The following LCLAT1 variants were observed in gnomAD, a reference collection of about 807,000 sequenced individuals.
The protein encoded by LCLAT1 is lysocardiolipin acyltransferase 1, also known as 1-AGP acyltransferase 8.
Under a neutral mutation model 30.7 loss-of-function variants are expected in LCLAT1, and 11 were observed. The ratio of observed to expected loss-of-function variants is 0.36; its 90% CI spans 0.23 to 0.59. The LOEUF is 0.59. LCLAT1 is among the 20% of genes least tolerant of loss of function. LCLAT1 has a pLI of 0.77. For synonymous variants in LCLAT1, 155 were observed against 151.3 expected (o/e 1.02, Z -0.18); for missense variants, 402 against 458.6 (o/e 0.88, Z 1.13).
chr2:30,488,994 A>C (rs565831226), intron 1 of LCLAT1, among the ~76,000 whole-genome samples: 1 of 152,256 alleles, frequency 6.6e-6, no homozygotes, highest in Admixed American at 6.5e-5. Flanking sequence ...ATCTGTAATC[A>C]CTTTTTGGCC....
intron 1 of LCLAT1, among the ~76,000 whole-genome samples, chr2:30,482,115 C>A (rs12463548): frequency 0.12 from 18,255 of 152,236 alleles, 1,283 homozygotes; most frequent in South Asian, 0.23. Context: ...AAAACTATTT[C>A]ATCTTAAAAC....
rs1029669815 is a variant in LCLAT1, at chr2:30,496,603, A to G, written c.-4-28984A>G. Among the ~76,000 whole-genome samples, 3 of 152,328 alleles carry G rather than the reference A, an allele frequency of 2.0e-5. No homozygotes were observed. The South Asian group carries it at 6.2e-4, about 32-fold the overall frequency. The stretch of plus-strand genomic sequence containing the variant: ...TTCTTATAGGTTGCCAGAAAGGTCA[A>G]ATGAGAGTGTAATGGAAAGTGATTT... On this transcript the variant is annotated intron_variant, in intron 1 of 5. Coordinates refer to ENST00000379509, the MANE Select transcript of LCLAT1 (RefSeq NM_001002257.3).
At chr2:30,533,352 T>C (rs1486025325) in intron 3 of LCLAT1, 38 bp downstream of exon 3, 1 of 1,538,466 alleles carries the variant, frequency 6.5e-7, no homozygotes, top group Admixed American at 1.7e-5. Flanking sequence ...GGTTCATTCA[T>C]TTTAGATGTA....
At chr2:30,623,953 T>A (rs1237581252) in intron 5 of LCLAT1, among the ~76,000 whole-genome samples, 3 of 152,120 alleles carry the variant, frequency 2.0e-5, no homozygotes, top group African/African-American at 7.2e-5. Context: ...GGGATTAGGG[T>A]CCCATCTTTA....
At chr2:30,452,204 TGCAC>T (rs1681585864) in intron 1 of LCLAT1, among the ~76,000 whole-genome samples, 1 of 152,178 alleles carries the variant, frequency 6.6e-6, no homozygotes, top group Non-Finnish European at 1.5e-5. Context: ...ATGAGGATTG[TGCAC>T]TTTATTGTAT....
intron 1 of LCLAT1, among the ~76,000 whole-genome samples, chr2:30,515,558 G>A (rs905094589): frequency 8.5e-5 from 13 of 152,132 alleles, no homozygotes; most frequent in Non-Finnish European, 1.5e-4. Flanking sequence ...TTGTTAATTC[G>A]CTGAAAGGAA....
At chr2:30,614,728 A>T (rs1409412432) in intron 5 of LCLAT1, among the ~76,000 whole-genome samples, 7 of 152,182 alleles carry the variant, frequency 4.6e-5, no homozygotes, top group Non-Finnish European at 8.8e-5. Flanking sequence ...GGTAGGCATG[A>T]CCACATATGA....
At chr2:30,496,431 G>T (rs1037723765) in intron 1 of LCLAT1, among the ~76,000 whole-genome samples, 1 of 152,140 alleles carries the variant, frequency 6.6e-6, no homozygotes, top group Non-Finnish European at 1.5e-5. Context: ...TCTTTCTTCC[G>T]GGTACTGTAT....
intron 1 of LCLAT1, among the ~76,000 whole-genome samples, chr2:30,509,000 A>G (rs939836766): frequency 2.0e-5 from 3 of 152,156 alleles, no homozygotes; most frequent in African/African-American, 7.2e-5. Context: ...GATTAACTGT[A>G]TTCCTAGTTA....
At chr2:30,547,421 A>G (rs1443682986) in intron 3 of LCLAT1, among the ~76,000 whole-genome samples, 2 of 152,178 alleles carry the variant, frequency 1.3e-5, no homozygotes, top group East Asian at 3.9e-4. Flanking sequence ...ACTAATCTTA[A>G]CAGTGAACCA....
intron 5 of LCLAT1, among the ~76,000 whole-genome samples, chr2:30,619,262 C>T (rs1442842708): frequency 6.6e-6 from 1 of 152,140 alleles, no homozygotes; most frequent in Admixed American, 6.5e-5. Flanking sequence ...GTAATTACAG[C>T]CCTAGCTGAG....
rs180975620 is a variant in LCLAT1 at position 30,498,049 on chromosome 2, A to G, written c.-4-27538A>G. On this transcript the variant is annotated intron_variant, in intron 1 of 5. Transcript: ENST00000379509. Reference sequence around the variant, plus strand: ...ATGAAGCAGTCTTGTTTGAGGTGTTACCCAGAGTTCTTTGTCTCACGACCA... The same window carrying G: ...ATGAAGCAGTCTTGTTTGAGGTGTTGCCCAGAGTTCTTTGTCTCACGACCA... Among the ~76,000 whole-genome samples, 24 of 152,272 alleles carry G rather than the reference A, an allele frequency of 1.6e-4. No individual in the cohort carries two copies. The East Asian group carries it at 4.1e-3, about 26-fold the overall frequency.
intron 1 of LCLAT1, among the ~76,000 whole-genome samples, chr2:30,514,011 C>G: frequency 6.6e-6 from 1 of 152,206 alleles, no homozygotes; most frequent in East Asian, 1.9e-4. Flanking sequence ...AATAAACTTT[C>G]TAAATTAACT....
chr2:30,611,336 T>C (rs1366550422), intron 5 of LCLAT1, among the ~76,000 whole-genome samples: 1 of 152,168 alleles, frequency 6.6e-6, no homozygotes, highest in Non-Finnish European at 1.5e-5. Context: ...TAATTATAAT[T>C]TAGCTCCAGT....
chr2:30,609,745 C>T (rs1667642328), intron 5 of LCLAT1, among the ~76,000 whole-genome samples: 1 of 152,142 alleles, frequency 6.6e-6, no homozygotes, highest in East Asian at 1.9e-4. Flanking sequence ...ACACTCACCT[C>T]ACTTCTCTTA....
At chr2:30,481,762 T>C (rs772152708) in intron 1 of LCLAT1, among the ~76,000 whole-genome samples, 18 of 152,180 alleles carry the variant, frequency 1.2e-4, no homozygotes, top group Non-Finnish European at 2.1e-4. Context: ...AGAGACCGTG[T>C]ATGTAGTTAA....
chr2:30,571,889 A>G (rs1665794335), intron 5 of LCLAT1, among the ~76,000 whole-genome samples: 2 of 152,308 alleles, frequency 1.3e-5, no homozygotes, highest in Middle Eastern at 3.4e-3. Context: ...GTAGATTAGT[A>G]GCTGACTTTC....
chr2:30,489,644 C>T (rs575453375), intron 1 of LCLAT1, among the ~76,000 whole-genome samples: 22 of 152,290 alleles, frequency 1.4e-4, no homozygotes, highest in African/African-American at 5.3e-4. Flanking sequence ...GAGCACCGCG[C>T]CCAGCCCACA....
intron 5 of LCLAT1, among the ~76,000 whole-genome samples, chr2:30,612,429 C>G (rs1667783447): frequency 2.0e-5 from 3 of 152,132 alleles, no homozygotes; most frequent in African/African-American, 2.4e-5. Flanking sequence ...CCTTGTGGCG[C>G]CCTGTGCCTA....
Sources: allele counts gnomAD v4.1 joint callset (sites outside exome capture counted in the v4.1 genomes callset), GRCh38; gene constraint gnomAD v4.1.1; transcripts MANE v1.5; gene names NCBI Gene and HGNC (gene_info 2026-07-23, HGNC 2026-07-21).